The following COL19A1 variants were observed in gnomAD, a reference collection of about 807,000 sequenced individuals.
COL19A1 encodes collagen alpha-1(XIX) chain.
Under a neutral mutation model 190.2 loss-of-function variants are expected in COL19A1, and 159 were observed. That is an observed-to-expected ratio of 0.84 (90% CI 0.73 to 0.95). The LOEUF (loss-of-function observed/expected upper bound fraction) is 0.95. Among genes scored for constraint, COL19A1 ranks in the 40% least tolerant of loss-of-function variants. The probability of loss-of-function intolerance (pLI) is 0.00; values close to 1 mark genes in which losing one functional copy is unlikely to be tolerated. For synonymous variants in COL19A1, 509 were observed against 458.9 expected (o/e 1.11, Z -1.39); for missense variants, 1,418 against 1,431.9 (o/e 0.99, Z 0.16).
At chr6:70,170,733 G>T (rs1484812128) in intron 40 of COL19A1, among the ~76,000 whole-genome samples, 1 of 151,934 alleles carries the variant, frequency 6.6e-6, no homozygotes, top group Non-Finnish European at 1.5e-5. Flanking sequence ...TTACATATTA[G>T]GGGACATTTT....
At chr6:70,173,669 G>A (rs767523361) in intron 41 of COL19A1, among the ~76,000 whole-genome samples, 4 of 152,268 alleles carry the variant, frequency 2.6e-5, no homozygotes, top group Admixed American at 6.5e-5. Flanking sequence ...AGGAACAACC[G>A]TGGACTTGAA....
In COL19A1 at chr6:70,156,295, T is replaced by C. The variant is rs574137418; in HGVS notation, c.2185-21T>C. On this transcript the variant is annotated intron_variant, in intron 32 of 50. Transcript: ENST00000620364. ...TACATGTAGTGCATCCTCTCAGTTC[T>C]GTTCTTCCTCTGTCTTCTAGGGTGA... The C allele has an allele frequency of 3.5e-5, 56 of 1,613,326 alleles. No homozygotes were observed. In the South Asian group the frequency reaches 6.1e-4, roughly 18 times the overall value.
chr6:70,000,260 G>A (rs1325758181), intron 11 of COL19A1, among the ~76,000 whole-genome samples: 1 of 152,086 alleles, frequency 6.6e-6, no homozygotes, highest in African/African-American at 2.4e-5. Context: ...TCTTTATTCA[G>A]TCTATCATTG....
chr6:70,057,219 T>A (rs988397105), intron 14 of COL19A1, among the ~76,000 whole-genome samples: 2 of 152,098 alleles, frequency 1.3e-5, no homozygotes, highest in African/African-American at 2.4e-5. Flanking sequence ...ATCAGACAAA[T>A]CATTAAAATG....
At chr6:69,974,661 C>G (rs952891570) in intron 11 of COL19A1, among the ~76,000 whole-genome samples, 2 of 152,066 alleles carry the variant, frequency 1.3e-5, no homozygotes, top group Non-Finnish European at 2.9e-5. Flanking sequence ...ATTCTAAGTT[C>G]TTTATTTTAA....
chr6:70,156,661 T>A lies in COL19A1; in HGVS notation c.2239-9T>A. ...TTGCATGTGCTAGCTGAATGTATTG[T>A]CTTTTTAGGGAAGCAAAGGAGAGCG... On this transcript the variant is annotated splice_polypyrimidine_tract_variant and intron_variant, in intron 33 of 50. Coordinates refer to ENST00000620364, the MANE Select transcript of COL19A1 (RefSeq NM_001858.6). 6.2e-7 allele frequency: 1 copy of A among 1,611,504 alleles called. No individual in the cohort carries two copies. Among genetic ancestry groups the A allele is most frequent in the Non-Finnish European group, 8.5e-7 (1 of 1,178,444 alleles).
chr6:69,932,254 A>G (rs969221720), intron 6 of COL19A1, among the ~76,000 whole-genome samples: 12 of 152,052 alleles, frequency 7.9e-5, no homozygotes, highest in Admixed American at 7.9e-4. Context: ...TTATACCAAT[A>G]TAATATAAAA....
intron 17 of COL19A1, among the ~76,000 whole-genome samples, chr6:70,123,288 C>G (rs1784991854): frequency 6.6e-6 from 1 of 151,934 alleles, no homozygotes. Context: ...GAATGGCAAT[C>G]ATTAAAAAGT....
intron 25 of COL19A1, among the ~76,000 whole-genome samples, chr6:70,145,255 G>A (rs1189471047): frequency 1.3e-5 from 2 of 152,080 alleles, no homozygotes; most frequent in Non-Finnish European, 2.9e-5. Flanking sequence ...ATTCATAGTA[G>A]CAATGAGATG....
At chr6:70,057,594 G>C (rs910431208) in intron 14 of COL19A1, among the ~76,000 whole-genome samples, 2 of 151,918 alleles carry the variant, frequency 1.3e-5, no homozygotes, top group African/African-American at 2.4e-5. Context: ...AATCTCTTCT[G>C]TTCATGTTGT....
In COL19A1 at chr6:70,149,701, C is replaced by T. The variant is rs1220957036; in HGVS notation, c.1894-3C>T. The T allele has an allele frequency of 3.1e-6, 5 of 1,613,298 alleles. No homozygotes were observed. Among genetic ancestry groups the T allele is most frequent in the Admixed American group, 1.7e-5 (1 of 59,922 alleles). Reference sequence around the variant, plus strand: ...TTAATAATAAAATCTCATTTGTACTCAGGGCGCCCAAGGACCAGCTGGAGA... The same window carrying T: ...TTAATAATAAAATCTCATTTGTACTTAGGGCGCCCAAGGACCAGCTGGAGA... On this transcript the variant is annotated splice_polypyrimidine_tract_variant and splice_region_variant and intron_variant, in intron 27 of 50. Transcript: ENST00000620364.
intron 9 of COL19A1, among the ~76,000 whole-genome samples, chr6:69,949,963 C>A (rs1450876876): frequency 6.6e-6 from 1 of 151,760 alleles, no homozygotes; most frequent in Non-Finnish European, 1.5e-5. Context: ...CTAAAGTTAA[C>A]ATTTAAGCTA....
chr6:70,110,018 A>G (rs1784195070), intron 16 of COL19A1, among the ~76,000 whole-genome samples: 1 of 152,150 alleles, frequency 6.6e-6, no homozygotes, highest in African/African-American at 2.4e-5. Context: ...CTCCAACTTT[A>G]TTTACTATGC....
intron 11 of COL19A1, among the ~76,000 whole-genome samples, chr6:69,974,602 C>T (rs928995958): frequency 5.9e-5 from 9 of 151,992 alleles, no homozygotes; most frequent in Admixed American, 1.3e-4. Context: ...TTCCTTTATC[C>T]GGATTTTGAC....
At chr6:70,157,450 T>C (rs1468649317) in intron 34 of COL19A1, among the ~76,000 whole-genome samples, 1 of 152,166 alleles carries the variant, frequency 6.6e-6, no homozygotes, top group Non-Finnish European at 1.5e-5. Context: ...CTACTAATTC[T>C]TAATGAAAGT....
intron 16 of COL19A1, among the ~76,000 whole-genome samples, chr6:70,114,164 T>C (rs1784431937): frequency 6.6e-6 from 1 of 152,150 alleles, no homozygotes; most frequent in South Asian, 2.1e-4. Flanking sequence ...TCAAAAGGCA[T>C]GTCTACACCA....
At chr6:69,924,928 G>A (rs548929290) in intron 4 of COL19A1, among the ~76,000 whole-genome samples, 1 of 152,160 alleles carries the variant, frequency 6.6e-6, no homozygotes, top group Admixed American at 6.5e-5. Flanking sequence ...CTTTTTGATG[G>A]GGTTGTTTGC....
chr6:69,890,394 A>C (rs1176720309), intron 2 of COL19A1: 1 of 152,168 alleles, frequency 6.6e-6, no homozygotes, highest in East Asian at 1.9e-4. Context: ...GATTTATTTC[A>C]GTCAACTAAT....
chr6:69,879,947 G>A (rs1442824326), intron 2 of COL19A1: 4 of 405,756 alleles, frequency 9.9e-6, no homozygotes, highest in Non-Finnish European at 1.7e-5. Flanking sequence ...ATGACATTAT[G>A]TATCTTTCCC....
Sources: allele counts gnomAD v4.1 joint callset (sites outside exome capture counted in the v4.1 genomes callset), GRCh38; gene constraint gnomAD v4.1.1; transcripts MANE v1.5; gene names NCBI Gene and HGNC (gene_info 2026-07-23, HGNC 2026-07-21).